CNTLN: variants seen among roughly 807,000 people sequenced by gnomAD.
The protein encoded by CNTLN is centlein, centrosomal protein.
Under a neutral mutation model 180.0 loss-of-function variants are expected in CNTLN, and 212 were observed. That is an observed-to-expected ratio of 1.18 (90% CI 1.05 to 1.32). CNTLN has a LOEUF of 1.32. CNTLN is among the 40% of genes most tolerant of loss of function. CNTLN has a pLI of 0.00. For missense variants in CNTLN, 2,095 were observed against 1,610.9 expected (o/e 1.30, Z -5.14); for synonymous variants, 722 against 563.1 (o/e 1.28, Z -3.99).
intron 8 of CNTLN, among the ~76,000 whole-genome samples, chr9:17,326,570 TA>T (rs960318593): frequency 1.3e-4 from 20 of 152,110 alleles, no homozygotes; most frequent in African/African-American, 4.3e-4. Context: ...ATTAAGTTTT[TA>T]AAAAGCAAGT....
chr9:17,181,794 A>G (rs1821140042), intron 2 of CNTLN, among the ~76,000 whole-genome samples: 1 of 152,138 alleles, frequency 6.6e-6, no homozygotes, highest in Non-Finnish European at 1.5e-5. Flanking sequence ...TTATTGCTGG[A>G]TGGGTGTATT....
At chr9:17,395,931 G>A (rs1826482098) in intron 15 of CNTLN, among the ~76,000 whole-genome samples, 1 of 152,158 alleles carries the variant, frequency 6.6e-6, no homozygotes, top group African/African-American at 2.4e-5. Context: ...GATGAGATAG[G>A]AGGTCAGTAC....
At chr9:17,494,904 CAG>C in intron 25 of CNTLN, 1 of 321,848 alleles carries the variant, frequency 3.1e-6, no homozygotes, top group East Asian at 1.2e-4. Flanking sequence ...TTTTTGGTCA[CAG>C]AGTCTTGCTC....
chr9:17,350,396 G>A (rs768255426), intron 12 of CNTLN, among the ~76,000 whole-genome samples: 1 of 152,022 alleles, frequency 6.6e-6, no homozygotes, highest in Non-Finnish European at 1.5e-5. Flanking sequence ...ACTTTTTTAG[G>A]CACAGGTAAA....
At chr9:17,191,737 AT>A (rs1821800494) in intron 2 of CNTLN, among the ~76,000 whole-genome samples, 1 of 152,238 alleles carries the variant, frequency 6.6e-6, no homozygotes, top group Non-Finnish European at 1.5e-5. Flanking sequence ...TAATCTGAAA[AT>A]ATGAAGAGAA....
intron 23 of CNTLN, among the ~76,000 whole-genome samples, chr9:17,470,257 T>C (rs1831982806): frequency 6.6e-6 from 1 of 151,892 alleles, no homozygotes; most frequent in Non-Finnish European, 1.5e-5. Flanking sequence ...ACTGCTCAAA[T>C]GGAAAACTCT....
At chr9:17,261,352 T>G (rs1582031) in intron 5 of CNTLN, among the ~76,000 whole-genome samples, 73,108 of 150,952 alleles carry the variant, frequency 0.48, 18,906 homozygotes, top group South Asian at 0.73. Context: ...ATTTCTCTTA[T>G]CAGTGTTTTG....
rs10118972 is a variant in CNTLN, at chr9:17,409,075, T to C, written c.2616-218T>C. Among the ~76,000 whole-genome samples, 1,303 of 152,306 alleles carry C rather than the reference T, an allele frequency of 8.6e-3. 14 individuals are homozygous for C. The highest frequency in any genetic ancestry group is 0.029 in the African/African-American group (1,202 of 41,570). ...TATCGAAATGATGTTAGTAGGGATT[T>C]GAAATTAGATAATCTGTTTTCTTGA... On this transcript the variant is annotated intron_variant, in intron 15 of 25. Coordinates refer to ENST00000380647, the MANE Select transcript of CNTLN (RefSeq NM_017738.4).
intron 21 of CNTLN, among the ~76,000 whole-genome samples, chr9:17,464,898 T>G (rs535166525): frequency 1.3e-5 from 2 of 151,346 alleles, no homozygotes; most frequent in East Asian, 3.9e-4. Flanking sequence ...GATACATAAT[T>G]ACATTTTATT....
At chr9:17,371,095 C>A (rs1824280699) in intron 13 of CNTLN, among the ~76,000 whole-genome samples, 1 of 151,994 alleles carries the variant, frequency 6.6e-6, no homozygotes, top group Admixed American at 6.6e-5. Flanking sequence ...AGGAAACCAA[C>A]AACAAAATGG....
the CNTLN span, among the ~76,000 whole-genome samples, chr9:17,524,451 C>T: frequency 2.4e-4 from 36 of 152,170 alleles, no homozygotes; most frequent in African/African-American, 8.7e-4. Flanking sequence ...ATAAGGCCTT[C>T]CCATAATTAG....
intron 3 of CNTLN, among the ~76,000 whole-genome samples, chr9:17,235,129 G>C (rs979413005): frequency 6.6e-6 from 1 of 152,130 alleles, no homozygotes; most frequent in African/African-American, 2.4e-5. Flanking sequence ...TATCTCACAG[G>C]TGAGAAGAAT....
intron 25 of CNTLN, chr9:17,495,015 A>G (rs1342323984): frequency 7.1e-6 from 3 of 420,202 alleles, no homozygotes; most frequent in African/African-American, 2.1e-5. Flanking sequence ...AGTAGCTGGG[A>G]CTACAGGTGC....
chr9:17,288,109 A>G (rs1169749261), intron 6 of CNTLN, among the ~76,000 whole-genome samples: 1 of 130,246 alleles, frequency 7.7e-6, no homozygotes, highest in East Asian at 2.3e-4. Context: ...TAGGGTGTCA[A>G]TTTTGGATCT....
chr9:17,171,972 C>T (rs1271617037), intron 2 of CNTLN, among the ~76,000 whole-genome samples: 2 of 152,108 alleles, frequency 1.3e-5, no homozygotes, highest in South Asian at 4.1e-4. Context: ...GATCTGGGCA[C>T]AGGCTAGCCT....
chr9:17,514,864 C>T, the CNTLN span, among the ~76,000 whole-genome samples: 4 of 152,166 alleles, frequency 2.6e-5, no homozygotes, highest in African/African-American at 4.8e-5. Context: ...GCCTTTATGA[C>T]CTTTTCCACT....
rs539686907 is a variant in CNTLN, at chr9:17,471,510, G to A, written c.3855+4619G>A. 3.9e-5 allele frequency among the ~76,000 whole-genome samples: 6 copies of A among 152,140 alleles called. No homozygotes were observed. The East Asian group carries it at 1.2e-3, about 29-fold the overall frequency. On this transcript the variant is annotated intron_variant, in intron 23 of 25. Transcript: ENST00000380647. ...GATATTGGGATAATTCCTAGCTCAT[G>A]ATATCCCAAGAATTGCAAGAAGGCT...
intron 18 of CNTLN, among the ~76,000 whole-genome samples, chr9:17,438,425 G>T (rs1207408895): frequency 6.6e-6 from 1 of 152,072 alleles, no homozygotes; most frequent in African/African-American, 2.4e-5. Flanking sequence ...GAAAAAAGAG[G>T]TATTTAAGAT....
At chr9:17,292,982 T>G (rs778087395) in intron 6 of CNTLN, among the ~76,000 whole-genome samples, 7 of 152,226 alleles carry the variant, frequency 4.6e-5, no homozygotes, top group Non-Finnish European at 7.3e-5. Context: ...GTTATTGTTG[T>G]TGCTTTCTGT....
Sources: allele counts gnomAD v4.1 joint callset (sites outside exome capture counted in the v4.1 genomes callset), GRCh38; gene constraint gnomAD v4.1.1; transcripts MANE v1.5; gene names NCBI Gene and HGNC (gene_info 2026-07-23, HGNC 2026-07-21).